Variants in SLC9A9 observed in about 807,000 individuals in gnomAD.
SLC9A9 encodes sodium/hydrogen exchanger 9.
In SLC9A9, 62 loss-of-function variants were observed where a neutral mutation model predicts 77.8. That is an observed-to-expected ratio of 0.80 (90% confidence interval 0.65 to 0.98). The LOEUF is 0.98. SLC9A9 is among the 50% of genes least tolerant of loss of function. The pLI, the probability that SLC9A9 is intolerant of heterozygous loss-of-function variation, is 0.00. For missense variants in SLC9A9, 775 were observed against 774.9 expected (o/e 1.00, Z 0.00); for synonymous variants, 320 against 283.5 (o/e 1.13, Z -1.29).
intron 6 of SLC9A9, among the ~76,000 whole-genome samples, chr3:143,616,972 A>G (rs1270439029): frequency 6.6e-6 from 1 of 152,122 alleles, no homozygotes; most frequent in Non-Finnish European, 1.5e-5. Context: ...AAGAGAAAGC[A>G]CAGTGTGATA....
At chr3:143,353,304 C>T (rs75450243) in intron 14 of SLC9A9, among the ~76,000 whole-genome samples, 4 of 152,174 alleles carry the variant, frequency 2.6e-5, no homozygotes, top group Admixed American at 2.0e-4. Context: ...CACGTTGAAG[C>T]CTGACTCCCA....
chr3:143,299,930 T>G (rs1422831860), intron 14 of SLC9A9, among the ~76,000 whole-genome samples: 1 of 152,206 alleles, frequency 6.6e-6, no homozygotes. Context: ...AGACACAGTT[T>G]CTCTTTTGTC....
intron 9 of SLC9A9, among the ~76,000 whole-genome samples, chr3:143,510,231 T>C (rs543515796): frequency 1.3e-5 from 2 of 152,354 alleles, no homozygotes; most frequent in East Asian, 3.9e-4. Flanking sequence ...GATTCTTATA[T>C]TTGCCAATGT....
At chr3:143,609,618 C>T (rs1400693241) in intron 6 of SLC9A9, among the ~76,000 whole-genome samples, 5 of 152,048 alleles carry the variant, frequency 3.3e-5, no homozygotes, top group Non-Finnish European at 5.9e-5. Flanking sequence ...CACTTCCAGA[C>T]CTAAATACTG....
intron 9 of SLC9A9, among the ~76,000 whole-genome samples, chr3:143,535,516 G>C (rs1014840148): frequency 3.3e-5 from 5 of 152,112 alleles, no homozygotes; most frequent in African/African-American, 1.2e-4. Flanking sequence ...ATATTAAGCA[G>C]CAAAATGCAC....
chr3:143,277,706 CTTGGCTTTTA>C (rs1426205153), intron 14 of SLC9A9, among the ~76,000 whole-genome samples: 1 of 152,156 alleles, frequency 6.6e-6, no homozygotes, highest in Non-Finnish European at 1.5e-5. Flanking sequence ...TAGAGTGAGC[CTTGGCTTTTA>C]GTGGCTTTCT....
At chr3:143,716,985 G>A (rs1238229712) in intron 4 of SLC9A9, among the ~76,000 whole-genome samples, 1 of 152,160 alleles carries the variant, frequency 6.6e-6, no homozygotes, top group Middle Eastern at 3.2e-3. Flanking sequence ...GGAGGGGGAG[G>A]AAGGCAAATG....
chr3:143,646,664 A>T (rs981136552), intron 6 of SLC9A9, among the ~76,000 whole-genome samples: 1 of 152,100 alleles, frequency 6.6e-6, no homozygotes, highest in African/African-American at 2.4e-5. Flanking sequence ...CCATGGAGAG[A>T]CTATTGCACA....
At chr3:143,571,908 G>A (rs150556712) in intron 8 of SLC9A9, among the ~76,000 whole-genome samples, 1,617 of 152,314 alleles carry the variant, frequency 0.011, 28 homozygotes, top group African/African-American at 0.037. Flanking sequence ...TTTGGACTAA[G>A]CGGTCTTGGT....
intron 12 of SLC9A9, among the ~76,000 whole-genome samples, chr3:143,454,160 G>C (rs915328072): frequency 6.6e-6 from 1 of 152,114 alleles, no homozygotes; most frequent in African/African-American, 2.4e-5. Context: ...TTCTGTTATA[G>C]CAGCACAAAA....
intron 14 of SLC9A9, among the ~76,000 whole-genome samples, chr3:143,341,581 T>C (rs2108464179): frequency 6.6e-6 from 1 of 152,132 alleles, no homozygotes; most frequent in Non-Finnish European, 1.5e-5. Flanking sequence ...TGAGGAGAAA[T>C]GTGGAGAGGA....
intron 12 of SLC9A9, among the ~76,000 whole-genome samples, chr3:143,383,611 C>G (rs138966919): frequency 0.017 from 2,562 of 152,268 alleles, 34 homozygotes; most frequent in South Asian, 0.072. Context: ...GAGGGCCAGA[C>G]CAAGTGAGGG....
At chr3:143,368,881 A>AT (rs1275992342) in intron 13 of SLC9A9, among the ~76,000 whole-genome samples, 6 of 152,200 alleles carry the variant, frequency 3.9e-5, no homozygotes, top group Non-Finnish European at 7.3e-5. Flanking sequence ...AAATAGAAAT[A>AT]TTTTTTTCAA....
intron 12 of SLC9A9, among the ~76,000 whole-genome samples, chr3:143,432,395 A>C (rs1486951299): frequency 6.6e-6 from 1 of 152,194 alleles, no homozygotes; most frequent in African/African-American, 2.4e-5. Context: ...AGGCTCATTA[A>C]TAGGCACAGG....
intron 6 of SLC9A9, among the ~76,000 whole-genome samples, chr3:143,618,017 A>T (rs1198616489): frequency 1.3e-5 from 2 of 152,178 alleles, no homozygotes; most frequent in Non-Finnish European, 2.9e-5. Context: ...TCCAGAAAGG[A>T]TTGAGGGAGA....
intron 14 of SLC9A9, among the ~76,000 whole-genome samples, chr3:143,308,139 C>A (rs1473147246): frequency 1.3e-5 from 2 of 152,300 alleles, no homozygotes; most frequent in South Asian, 2.1e-4. Context: ...TTCTGTATCT[C>A]CATTTTGGTG....
intron 9 of SLC9A9, among the ~76,000 whole-genome samples, chr3:143,502,012 A>C (rs1225408769): frequency 6.6e-6 from 1 of 150,980 alleles, no homozygotes; most frequent in Admixed American, 6.6e-5. Context: ...AAATGAAAAA[A>C]ATCTTCCACC....
intron 8 of SLC9A9, among the ~76,000 whole-genome samples, chr3:143,554,660 G>A (rs1006435300): frequency 4.6e-5 from 7 of 152,146 alleles, no homozygotes; most frequent in Non-Finnish European, 8.8e-5. Context: ...GGATTCCTGT[G>A]GCTTAAAAGG....
chr3:143,588,212 T>A (rs1015466025), intron 6 of SLC9A9, among the ~76,000 whole-genome samples: 1 of 152,198 alleles, frequency 6.6e-6, no homozygotes, highest in East Asian at 1.9e-4. Context: ...TAGAGAGTTA[T>A]AATGTGGCCT....
Sources: gnomAD v4.1 joint callset for allele counts (sites outside exome capture counted in the v4.1 genomes callset) on GRCh38, gnomAD v4.1.1 for gene constraint, MANE v1.5 for transcripts, NCBI Gene and HGNC (gene_info 2026-07-23, HGNC 2026-07-21) for gene names.